The following KCNQ3 variants were observed in gnomAD, a reference collection of about 807,000 sequenced individuals.
The protein encoded by KCNQ3 is potassium voltage-gated channel subfamily KQT member 3.
A neutral mutation model predicts 92.5 loss-of-function variants in KCNQ3; 30 were observed. That is an observed-to-expected ratio of 0.32 (90% CI 0.24 to 0.44). The LOEUF (loss-of-function observed/expected upper bound fraction) is 0.44. Ranked by LOEUF, KCNQ3 falls within the 20% of genes least tolerant of loss-of-function variation. The pLI is 1.00. For missense variants in KCNQ3, 913 were observed against 1,140.3 expected, an observed-to-expected ratio of 0.80 and a Z score of 2.87; for synonymous variants, 450 against 468.8, an observed-to-expected ratio of 0.96 and a Z score of 0.52.
chr8:132,480,660 G>T lies in KCNQ3; in HGVS notation c.-128C>A. 2.1e-6 allele frequency: 2 copies of T among 966,180 alleles called. No homozygotes were observed. The highest frequency in any genetic ancestry group is 2.5e-6 in the Non-Finnish European group (2 of 795,048). The allele number at this position is 966,180 out of a possible 1,614,324, so 59.9% of individuals were successfully genotyped here. ...GGAACTCCAATGCCATGATCCGCGC[G>T]CCCCTCCCCACCCCCCCCCAAAAGC... On this transcript the variant is annotated 5_prime_UTR_variant, in exon 1 of 15. Coordinates refer to ENST00000388996, the MANE Select transcript of KCNQ3 (RefSeq NM_004519.4).
chr8:132,219,805 G>C (rs1218379737), intron 1 of KCNQ3, among the ~76,000 whole-genome samples: 6 of 152,074 alleles, frequency 3.9e-5, no homozygotes, highest in African/African-American at 1.2e-4. Context: ...TGTGGATATT[G>C]TGGTGCAACA....
intron 1 of KCNQ3, among the ~76,000 whole-genome samples, chr8:132,350,721 C>T (rs916557021): frequency 5.9e-5 from 9 of 152,146 alleles, no homozygotes; most frequent in African/African-American, 1.7e-4. Context: ...GCATTCCTCA[C>T]GCACGTGAGT....
intron 11 of KCNQ3, 35 bp downstream of exon 11, chr8:132,140,041 G>T: frequency 5.8e-6 from 8 of 1,390,854 alleles, no homozygotes; most frequent in Non-Finnish European, 7.9e-6. Flanking sequence ...AGCGGGGGAG[G>T]CACACAGGCA....
intron 1 of KCNQ3, chr8:132,447,314 A>G: frequency 7.1e-7 from 1 of 1,416,720 alleles, no homozygotes; most frequent in Non-Finnish European, 9.6e-7. Flanking sequence ...TGGGCAGACA[A>G]GGGTCAAGAT....
rs1349980229 is a variant in KCNQ3 at position 132,181,141 on chromosome 8, AT to A, written c.605-813del. Among the ~76,000 whole-genome samples the A allele has an allele frequency of 2.6e-5, 4 of 152,328 alleles. No individual in the cohort carries two copies. In the East Asian group the frequency reaches 7.7e-4, roughly 29 times the overall value. On this transcript the variant is annotated intron_variant, in intron 3 of 14. Transcript: ENST00000388996. ...TGGCATGAGAATGTCCACTACAGAC[AT>A]TTCAGAGATGGAAAAAGGGGATGAG...
chr8:132,249,405 C>G (rs1009363248), intron 1 of KCNQ3, among the ~76,000 whole-genome samples: 1 of 152,130 alleles, frequency 6.6e-6, no homozygotes, highest in African/African-American at 2.4e-5. Context: ...CTCTAAGTCC[C>G]CACTAGATTA....
At chr8:132,168,795 T>C (rs1586793642) in intron 8 of KCNQ3, among the ~76,000 whole-genome samples, 1 of 140,860 alleles carries the variant, frequency 7.1e-6, no homozygotes, top group African/African-American at 2.7e-5. Flanking sequence ...AGAGGAGTTG[T>C]GGCTGGGCAC....
In KCNQ3 at chr8:132,388,612, G is replaced by GA. The variant is rs986083141; in HGVS notation, c.386+91534dup. Among the ~76,000 whole-genome samples the GA allele has an allele frequency of 1.6e-4, 24 of 151,588 alleles. No homozygotes were observed. In the East Asian group the frequency reaches 2.9e-3, roughly 18 times the overall value. On this transcript the variant is annotated intron_variant, in intron 1 of 14. Transcript: ENST00000388996. ...GACTTAGATTTGTATATTACAAAAA[G>GA]AAAAAAAAGATGAGAGGGGTTAAAG...
At chr8:132,383,835 A>G (rs1819821167) in intron 1 of KCNQ3, among the ~76,000 whole-genome samples, 1 of 152,170 alleles carries the variant, frequency 6.6e-6, no homozygotes, top group Non-Finnish European at 1.5e-5. Context: ...AAGGAACCAA[A>G]CTGTGCCTCT....
chr8:132,130,084 G>GTTTTTTTT, intron 14 of KCNQ3, 88 bp from the exon 15 acceptor site: 1 of 1,140,372 alleles, frequency 8.8e-7, no homozygotes, highest in Non-Finnish European at 1.2e-6. Flanking sequence ...CTTTTTTTTT[G>GTTTTTTTT]TTTTTTTTTT....
intron 1 of KCNQ3, among the ~76,000 whole-genome samples, chr8:132,327,920 A>C (rs1818106918): frequency 6.6e-6 from 1 of 151,942 alleles, no homozygotes; most frequent in Admixed American, 6.6e-5. Flanking sequence ...CTCCCCACTC[A>C]CAGAAATTAG....
rs536037560 is a variant in KCNQ3 at position 132,352,515 on chromosome 8, G to A, written c.386+127632C>T. 8.5e-5 allele frequency among the ~76,000 whole-genome samples: 13 copies of A among 152,220 alleles called. No individual in the cohort carries two copies. In the South Asian group the frequency reaches 1.2e-3, roughly 15 times the overall value. On this transcript the variant is annotated intron_variant, in intron 1 of 14. Transcript: ENST00000388996. ...ACTCGCTTAGGAAACTCACTGCCCC[G>A]AGCTGCTGTGAGGGCTAAATCAGAG... is the stretch of plus-strand genomic sequence containing the variant.
At chr8:132,444,722 G>A (rs1363877519) in intron 1 of KCNQ3, among the ~76,000 whole-genome samples, 3 of 152,234 alleles carry the variant, frequency 2.0e-5, no homozygotes, top group Non-Finnish European at 4.4e-5. Flanking sequence ...TCCGCCAACT[G>A]AGCTGCAGGA....
intron 8 of KCNQ3, among the ~76,000 whole-genome samples, chr8:132,167,068 T>C (rs1016630982): frequency 1.8e-4 from 28 of 152,220 alleles, no homozygotes; most frequent in Admixed American, 6.5e-4. Flanking sequence ...ATGTGGTATA[T>C]ATAATCAAAT....
At chr8:132,208,527 GA>G (rs1262376969) in intron 1 of KCNQ3, among the ~76,000 whole-genome samples, 2 of 152,126 alleles carry the variant, frequency 1.3e-5, no homozygotes, top group Non-Finnish European at 2.9e-5. Context: ...CAAACTTTGT[GA>G]AATGAGGCAC....
At position 132,129,950 on chromosome 8, in the gene KCNQ3, A is replaced by G; in HGVS notation, c.1931T>C (p.Met644Thr). The G allele has an allele frequency of 6.2e-7, 1 of 1,614,116 alleles. No individual in the cohort carries two copies. The highest frequency in any genetic ancestry group is 8.5e-7 in the Non-Finnish European group (1 of 1,180,028). Residue 644 changes from methionine to threonine, a missense_variant, in exon 15 of 15, where the codon ATG (methionine) becomes ACG (threonine). Physicochemically the swap from Met to Thr is moderately conservative, Grantham distance 81 (BLOSUM62 -1). Transcript: ENST00000388996. The surrounding 1 kb of genome is among the most constrained non-coding windows in gnomAD (Gnocchi z 5.9). ...CACCTGCAACCGTTCCATGTGTTGC[A>G]TGTGCATATCCACGAGGAAGTCCAG... ...KKLDFLVDMH[M>T]QHMERLQVQV...
rs528546684 is a variant in KCNQ3, at chr8:132,444,392, G to T, written c.386+35755C>A. 1.2e-4 allele frequency among the ~76,000 whole-genome samples: 19 copies of T among 152,190 alleles called. No homozygotes were observed. The East Asian group carries it at 3.1e-3, about 25-fold the overall frequency. On this transcript the variant is annotated intron_variant, in intron 1 of 14. Coordinates refer to ENST00000388996, the MANE Select transcript of KCNQ3 (RefSeq NM_004519.4). ...TCATCTGTCCTGCCCCGTGTGAAGG[G>T]TCTACACTGAATATCGTTGAATCAA... is the stretch of plus-strand genomic sequence containing the variant.
intron 1 of KCNQ3, among the ~76,000 whole-genome samples, chr8:132,294,144 G>T (rs547621148): frequency 1.8e-3 from 270 of 152,080 alleles, no homozygotes; most frequent in African/African-American, 6.5e-3. Flanking sequence ...GGGACCACAG[G>T]TGCCCACAAC....
intron 3 of KCNQ3, among the ~76,000 whole-genome samples, chr8:132,180,610 A>G (rs1292028713): frequency 2.0e-5 from 3 of 152,154 alleles, no homozygotes; most frequent in African/African-American, 7.2e-5. Flanking sequence ...GCTCCAGAGC[A>G]GCAATTTACC....
Sources: gnomAD v4.1 joint callset for allele counts (sites outside exome capture counted in the v4.1 genomes callset) on GRCh38, gnomAD v4.1.1 for gene constraint, Gnocchi (gnomAD v3.1) non-coding constraint, MANE v1.5 for transcripts, NCBI Gene and HGNC (gene_info 2026-07-23, HGNC 2026-07-21) for gene names.